TPR: variants seen among roughly 807,000 people sequenced by gnomAD.
TPR encodes nucleoprotein TPR.
In TPR, 51 loss-of-function variants were observed where a neutral mutation model predicts 316.1. That is an observed-to-expected ratio of 0.16 (90% CI 0.13 to 0.20). The LOEUF (loss-of-function observed/expected upper bound fraction) is 0.20. Among genes scored for constraint, TPR ranks in the 10% least tolerant of loss-of-function variants. The pLI is 1.00. For missense variants in TPR, 2,272 were observed against 2,754.8 expected, an observed-to-expected ratio of 0.82 and a Z score of 3.92; for synonymous variants, 981 against 914.7, an observed-to-expected ratio of 1.07 and a Z score of -1.31.
At chr1:186,355,904 G>T in intron 15 of TPR, 136 bp from the exon 16 acceptor site, 1 of 1,079,824 alleles carries the variant, frequency 9.3e-7, no homozygotes, top group Non-Finnish European at 1.3e-6. Context: ...GATTATAGGA[G>T]TTTTTAAATA....
At chr1:186,374,581 T>C (rs779420350) in intron 1 of TPR, among the ~76,000 whole-genome samples, 2 of 152,222 alleles carry the variant, frequency 1.3e-5, no homozygotes, top group Non-Finnish European at 2.9e-5. Context: ...CTTAGAGAGA[T>C]GGGTTCGCAG....
rs930163816 is a variant in TPR at position 186,328,435 on chromosome 1, A to G, written c.5689-775T>C. Among the ~76,000 whole-genome samples the G allele has an allele frequency of 7.9e-5, 12 of 152,156 alleles. 1 individual carries two copies. The highest frequency in any genetic ancestry group is 7.2e-4 in the Admixed American group (11 of 15,278). The stretch of plus-strand genomic sequence containing the variant: ...TATTTCACATTTTAAAATTTCTACT[A>G]AGTCTTCAAAAATCTGATGTATATT... On this transcript the variant is annotated intron_variant, in intron 39 of 50. Coordinates refer to ENST00000367478, the MANE Select transcript of TPR (RefSeq NM_003292.3).
rs760800881 is a variant in TPR, at chr1:186,363,015, A to G, written c.532-14T>C. 6.3e-7 allele frequency: 1 copy of G among 1,589,988 alleles called. No homozygotes were observed. Among genetic ancestry groups the G allele is most frequent in the South Asian group, 1.1e-5 (1 of 87,306 alleles). On this transcript the variant is annotated splice_polypyrimidine_tract_variant and intron_variant, in intron 5 of 50. Coordinates refer to ENST00000367478, the MANE Select transcript of TPR (RefSeq NM_003292.3). ...TTTTTCTCGATACTAAAGAAATCCA[A>G]GAAAATAACACGTACAGTTAAAGAT...
chr1:186,349,990 A>G (rs1006665705), intron 21 of TPR, among the ~76,000 whole-genome samples: 10 of 152,346 alleles, frequency 6.6e-5, no homozygotes, highest in Non-Finnish European at 1.5e-4. Context: ...AGCTGGGTAC[A>G]TACCTTGATC....
At chr1:186,348,203 C>G (rs774943488) in intron 21 of TPR, among the ~76,000 whole-genome samples, 1 of 152,180 alleles carries the variant, frequency 6.6e-6, no homozygotes, top group South Asian at 2.1e-4. Context: ...CTTTTCCTAG[C>G]AAGGAATATT....
chr1:186,365,851 G>A (rs192532695), intron 4 of TPR, among the ~76,000 whole-genome samples: 288 of 152,324 alleles, frequency 1.9e-3, no homozygotes, highest in Non-Finnish European at 3.3e-3. Context: ...ACGGACCTTG[G>A]AGAAATCCAA....
chr1:186,330,894 T>C (rs1205724070), intron 39 of TPR, among the ~76,000 whole-genome samples: 3 of 152,140 alleles, frequency 2.0e-5, no homozygotes, highest in Admixed American at 6.6e-5. Context: ...TTTAGGTATT[T>C]TACAATCCTA....
At chr1:186,324,614 T>C (rs1657862591) in intron 42 of TPR, among the ~76,000 whole-genome samples, 1 of 152,146 alleles carries the variant, frequency 6.6e-6, no homozygotes, top group African/African-American at 2.4e-5. Context: ...ATGCGACACC[T>C]CAAGTCACTT....
Position 186,312,559 on chromosome 1 carries a change from G to A in TPR, c.*1412C>T. ...ACCAATACTTTCTTTTTCCTTGTGGGTAAGTAAAGCAGTTTGTTCAGGTTT... is the reference window on the plus strand; with the variant it reads ...ACCAATACTTTCTTTTTCCTTGTGGATAAGTAAAGCAGTTTGTTCAGGTTT... On this transcript the variant is annotated 3_prime_UTR_variant, in exon 51 of 51. Coordinates refer to ENST00000367478, the MANE Select transcript of TPR (RefSeq NM_003292.3). 1 of 798,322 alleles carries A rather than the reference G, an allele frequency of 1.3e-6. No individual in the cohort carries two copies. The allele number at this position is 798,322 out of a possible 1,614,324, so 49.5% of individuals were successfully genotyped here.
In TPR at chr1:186,374,985, T is replaced by C. The variant is rs370138265; in HGVS notation, c.44A>G (p.Asn15Ser). 1.3e-5 allele frequency: 21 copies of C among 1,614,122 alleles called. No homozygotes were observed. In the African/African-American group the frequency reaches 2.8e-4, roughly 22 times the overall value. The change falls in exon 1 of 51, where the codon AAC (asparagine) becomes AGC (serine). Residue 15 changes from asparagine (N) to serine (S), a missense_variant. Transcript: ENST00000367478. ...GTTCTGGACAGACTTGGGCAGCTTG[T>C]TCAGCTCCGTGCGCTCCAGGACTTG... ...LQQVLERTEL[N>S]KLPKSVQNKL...
intron 2 of TPR, among the ~76,000 whole-genome samples, chr1:186,372,986 A>C (rs1001210093): frequency 6.6e-6 from 1 of 152,232 alleles, no homozygotes; most frequent in Non-Finnish European, 1.5e-5. Flanking sequence ...CTTTAGTTGC[A>C]TAATGCTTTC....
At chr1:186,370,935 T>C (rs751197579) in intron 3 of TPR, 35 bp downstream of exon 3, 2 of 1,552,240 alleles carry the variant, frequency 1.3e-6, no homozygotes, top group East Asian at 2.3e-5. Flanking sequence ...AAGTAAAATG[T>C]CTACAATGAG....
At position 186,350,322 on chromosome 1, in the gene TPR, G is replaced by A. The variant is rs1207401452; in HGVS notation, c.2677C>T (p.Leu893=). The change falls in exon 21 of 51, where the codon CTA becomes TTA. Residue 893 remains leucine (L), a synonymous_variant. Coordinates refer to ENST00000367478, the MANE Select transcript of TPR (RefSeq NM_003292.3). ...ATTTCTTTTTGAGCATTTTTTAATA[G>A]TTCTTTTGTGTTAAGATGAAGATTT... ...ETNLHLNTKE[L]LKNAQKEIAT... The A allele has an allele frequency of 6.2e-7, 1 of 1,613,336 alleles. No individual in the cohort carries two copies. Among genetic ancestry groups the A allele is most frequent in the African/African-American group, 1.3e-5 (1 of 74,992 alleles).
rs1659065065 is a variant in TPR at position 186,357,550 on chromosome 1, G to T, written c.1571C>A (p.Ala524Asp). 6.2e-7 allele frequency: 1 copy of T among 1,613,698 alleles called. No homozygotes were observed. Among genetic ancestry groups the T allele is most frequent in the African/African-American group, 1.3e-5 (1 of 74,788 alleles). The change falls in exon 14 of 51, where the codon GCT becomes GAT. Residue 524 changes from alanine to aspartate, a missense_variant. Physicochemically the swap from Ala to Asp is moderately radical, Grantham distance 126. Coordinates refer to ENST00000367478, the MANE Select transcript of TPR (RefSeq NM_003292.3). ...HVIRDEEVSS[A>D]DISSSSEVIS... ...TACCTCAGATGAACTACTTATATCA[G>T]CAGAGCTTACTTCCTCATCACGAAT...
intron 42 of TPR, 38 bp downstream of exon 42, chr1:186,325,726 G>C: frequency 2.0e-6 from 3 of 1,524,746 alleles, no homozygotes; most frequent in Non-Finnish European, 2.7e-6. Flanking sequence ...GAAAATACCA[G>C]AGATATTCAA....
rs749260136 is a variant in TPR at position 186,355,603 on chromosome 1, A to G, written c.2022+32T>C. The G allele has an allele frequency of 1.9e-6, 3 of 1,613,674 alleles. No homozygotes were observed. In the South Asian group the frequency reaches 3.3e-5, roughly 18 times the overall value. On this transcript the variant is annotated intron_variant, in intron 16 of 50. Coordinates refer to ENST00000367478, the MANE Select transcript of TPR (RefSeq NM_003292.3). The stretch of plus-strand genomic sequence containing the variant: ...AGAAGGTAACACTGTGTTCTCTAAA[A>G]ACCTAACCCAGGACAAAGGTGTGAT...
At chr1:186,333,977 C>G (rs1191419977) in intron 36 of TPR, among the ~76,000 whole-genome samples, 1 of 151,942 alleles carries the variant, frequency 6.6e-6, no homozygotes, top group Non-Finnish European at 1.5e-5. Flanking sequence ...GAGTAAAAAG[C>G]ATGTATACCA....
chr1:186,325,092 C>T (rs10798039), intron 42 of TPR, among the ~76,000 whole-genome samples: 5,023 of 152,014 alleles, frequency 0.033, 115 homozygotes, highest in Non-Finnish European at 0.048. Flanking sequence ...CTTTTAAATA[C>T]CCAGGCCTCT....
intron 17 of TPR, among the ~76,000 whole-genome samples, chr1:186,354,415 T>A (rs940957133): frequency 3.3e-5 from 5 of 152,238 alleles, no homozygotes; most frequent in Non-Finnish European, 5.9e-5. Context: ...TTTTTGCTAA[T>A]CCTTTTTTCT....
Sources: gnomAD v4.1 joint callset for allele counts (sites outside exome capture counted in the v4.1 genomes callset) on GRCh38, gnomAD v4.1.1 for gene constraint, MANE v1.5 for transcripts, NCBI Gene and HGNC (gene_info 2026-07-23, HGNC 2026-07-21) for gene names.